The following LRRK1 variants were observed in gnomAD, a reference collection of about 807,000 sequenced individuals.
The protein encoded by LRRK1 is leucine-rich repeat serine/threonine-protein kinase 1.
Under a neutral mutation model 209.1 loss-of-function variants are expected in LRRK1, and 113 were observed. That is an observed-to-expected ratio of 0.54 (90% CI 0.46 to 0.63). The LOEUF (loss-of-function observed/expected upper bound fraction) is 0.63, where lower values mean the gene tolerates loss of function less well. Among genes scored for constraint, LRRK1 ranks in the 30% least tolerant of loss-of-function variants. The probability of loss-of-function intolerance (pLI) is 0.00; values close to 1 mark genes in which losing one functional copy is unlikely to be tolerated. For synonymous variants in LRRK1, 1,144 were observed against 1,099.7 expected (o/e 1.04, Z -0.80); for missense variants, 2,284 against 2,632.2 (o/e 0.87, Z 2.89).
intron 20 of LRRK1, among the ~76,000 whole-genome samples, chr15:101,036,237 T>C (rs2034488771): frequency 6.6e-6 from 1 of 152,246 alleles, no homozygotes; most frequent in African/African-American, 2.4e-5. Flanking sequence ...AATACTTGGT[T>C]GCTTTATGGT....
chr15:101,039,971 T>C (rs1024293334), intron 20 of LRRK1, among the ~76,000 whole-genome samples: 1 of 152,234 alleles, frequency 6.6e-6, no homozygotes, highest in East Asian at 1.9e-4. Flanking sequence ...TAGATTTCAG[T>C]GGCTCCTATT....
rs2036482126 is a variant in LRRK1, at chr15:101,065,543, C to T, written c.5106C>T (p.Gly1702=). 5.6e-6 allele frequency: 9 copies of T among 1,614,102 alleles called. No homozygotes were observed. The highest frequency in any genetic ancestry group is 5.5e-5 in the South Asian group (5 of 91,092). ...PVKAMEVVNS[G]SEVWYSNGPG... ...AGGCCATGGAGGTGGTCAACAGCGG[C>T]TCTGAGGTCTGGTACAGCAATGGGC... The change falls in exon 32 of 34, where the codon GGC becomes GGT. Residue 1702 remains glycine (G), a synonymous_variant. Coordinates refer to ENST00000388948, the MANE Select transcript of LRRK1 (RefSeq NM_024652.6).
rs902395997 is a variant in LRRK1, at chr15:101,022,537, A to C, written c.2007A>C (p.Gly669=). 4.3e-6 allele frequency: 7 copies of C among 1,613,910 alleles called. No individual in the cohort carries two copies. In the African/African-American group the frequency reaches 9.3e-5, roughly 22 times the overall value. The change falls in exon 15 of 34, where the codon GGA becomes GGC. Residue 669 remains glycine, a synonymous_variant. Transcript: ENST00000388948. The surrounding 1 kb of genome is among the most constrained non-coding windows in gnomAD (Gnocchi z 4.0). ...GGAGGGCCCCCCAGGTGGTGCATGG[A>C]GAGGCCACCATCAGGACCACCAAGT... ...QTGRAPQVVH[G]EATIRTTKWE...
rs1317104444 is a variant in LRRK1 at position 101,027,633 on chromosome 15, C to T, written c.2527-5C>T. On this transcript the variant is annotated splice_polypyrimidine_tract_variant and splice_region_variant and intron_variant, in intron 18 of 33. Transcript: ENST00000388948. This position sits in a 1 kb window ranked among gnomAD's most constrained non-coding sequence, Gnocchi z 5.1. ...GAGACCCTGCCTCGCCCAACTGTCC[C>T]CCAGATCCCCAGGAGCTACCTGAGC... 2 of 1,610,728 alleles carry T rather than the reference C, an allele frequency of 1.2e-6. No homozygotes were observed. The highest frequency in any genetic ancestry group is 1.7e-5 in the Admixed American group (1 of 59,698).
intron 6 of LRRK1, among the ~76,000 whole-genome samples, chr15:100,992,684 T>C (rs143760789): frequency 2.0e-5 from 3 of 152,350 alleles, no homozygotes; most frequent in African/African-American, 4.8e-5. Context: ...TTCTTGTTTT[T>C]TGAGATGGAG....
chr15:101,010,536 C>T lies in LRRK1; in HGVS notation c.1076C>T (p.Ala359Val). The T allele has an allele frequency of 6.2e-7, 1 of 1,612,394 alleles. No individual in the cohort carries two copies. Among genetic ancestry groups the T allele is most frequent in the Non-Finnish European group, 8.5e-7 (1 of 1,179,596 alleles). The change falls in exon 8 of 34, where the codon GCT (alanine) becomes GTT (valine). Residue 359 changes from alanine (A) to valine (V), a missense_variant. By Grantham distance (64) the Ala-to-Val change is moderately conservative. Transcript: ENST00000388948. Reference sequence around the variant, plus strand: ...CTCTCAAAACTTCAAAAACTGACAGCTTCAAAAAATTGTTTAGAAAAATTG... The same window carrying T: ...CTCTCAAAACTTCAAAAACTGACAGTTTCAAAAAATTGTTTAGAAAAATTG... ...LHLSKLQKLT[A>V]SKNCLEKLFE...
chr15:101,004,067 A>G (rs1205565609), intron 6 of LRRK1, among the ~76,000 whole-genome samples: 1 of 152,208 alleles, frequency 6.6e-6, no homozygotes, highest in African/African-American at 2.4e-5. Context: ...CAGTTTCTGC[A>G]CTTTGATTGG....
Position 100,941,472 on chromosome 15 carries a change from G to GTC in LRRK1, c.97+16744_97+16745insCT, listed in dbSNP as rs1567191284. Among the ~76,000 whole-genome samples, 97 of 145,878 alleles carry GTC rather than the reference G, an allele frequency of 6.6e-4. 1 individual carries two copies. In the East Asian group the frequency reaches 6.8e-3, roughly 10 times the overall value. On this transcript the variant is annotated intron_variant, in intron 2 of 33. Coordinates refer to ENST00000388948, the MANE Select transcript of LRRK1 (RefSeq NM_024652.6). ...TGTGTGTGTCTATGTCTCTGTGTGTGTGTGTGTGTGTGTGTGTGTGTGTGT... is the reference window on the plus strand; with the variant it reads ...TGTGTGTGTCTATGTCTCTGTGTGTGTCTGTGTGTGTGTGTGTGTGTGTGTGT...
rs35128996 is a variant in LRRK1, at chr15:101,065,940, C to T, written c.5503C>T (p.Leu1835Phe). 2,400 of 1,614,198 alleles carry T rather than the reference C, an allele frequency of 1.5e-3. 29 individuals carry two copies. In the East Asian group the frequency reaches 0.03, roughly 20 times the overall value. Reference sequence around the variant, plus strand: ...GCAGATCCTGATCCACCAGGAATCACTCACTGACTACTGCTCCATGTCCTC... The same window carrying T: ...GCAGATCCTGATCCACCAGGAATCATTCACTGACTACTGCTCCATGTCCTC... Reference protein sequence around the residue: ...GTQILIHQESLTDYCSMSSYS... With the variant: ...GTQILIHQESFTDYCSMSSYS... The change falls in exon 32 of 34, where the codon CTC (leucine) becomes TTC (phenylalanine). Residue 1835 changes from leucine (L) to phenylalanine (F), a missense_variant. Leu to Phe is a conservative substitution (Grantham distance 22, BLOSUM62 0). This residue lies in a region of LRRK1 where 643 missense variants were observed against 695.9 expected (regional missense o/e 0.92). Coordinates refer to ENST00000388948, the MANE Select transcript of LRRK1 (RefSeq NM_024652.6).
intron 3 of LRRK1, among the ~76,000 whole-genome samples, chr15:100,978,507 A>G (rs2031422206): frequency 6.6e-6 from 1 of 150,926 alleles, no homozygotes; most frequent in Admixed American, 6.6e-5. Flanking sequence ...AAAGGGAAAC[A>G]TTGCCTTTAG....
chr15:101,021,799 TG>T, intron 13 of LRRK1, 45 bp from the exon 14 acceptor site: 2 of 1,122,772 alleles, frequency 1.8e-6, no homozygotes, highest in Non-Finnish European at 2.7e-6. Flanking sequence ...TGTGTGTGTG[TG>T]TGTGTGTGTG....
intron 2 of LRRK1, among the ~76,000 whole-genome samples, chr15:100,973,245 C>G (rs2141652346): frequency 6.6e-6 from 1 of 152,354 alleles, no homozygotes; most frequent in South Asian, 2.1e-4. Flanking sequence ...TCTGGTGAAG[C>G]AGCGCGACCC....
intron 20 of LRRK1, among the ~76,000 whole-genome samples, chr15:101,031,800 T>G (rs977322215): frequency 9.2e-5 from 14 of 151,792 alleles, no homozygotes; most frequent in Admixed American, 7.2e-4. Context: ...AGTGGCACGA[T>G]CTTGGCTCAT....
At chr15:101,012,475 C>G (rs2033302051) in intron 10 of LRRK1, among the ~76,000 whole-genome samples, 1 of 152,190 alleles carries the variant, frequency 6.6e-6, no homozygotes, top group African/African-American at 2.4e-5. Context: ...TGTGCCTACC[C>G]CAGAATACGG....
intron 6 of LRRK1, among the ~76,000 whole-genome samples, chr15:101,000,881 C>T (rs1269378672): frequency 2.6e-5 from 4 of 152,122 alleles, no homozygotes; most frequent in East Asian, 1.9e-4. Context: ...CACTGCAACC[C>T]GTCACACCAT....
At position 101,073,617 on chromosome 15, in the gene LRRK1, C is replaced by G. The variant is rs2036881786; in HGVS notation, c.*4769C>G. Reference sequence around the variant, plus strand: ...CAACCTCTTATCTCTGTGCCCCAATCCCTTATTTCCATGCCCCCACCTCTT... The same window carrying G: ...CAACCTCTTATCTCTGTGCCCCAATGCCTTATTTCCATGCCCCCACCTCTT... On this transcript the variant is annotated 3_prime_UTR_variant, in exon 34 of 34. Coordinates refer to ENST00000388948, the MANE Select transcript of LRRK1 (RefSeq NM_024652.6). 1 of 152,136 alleles carries G rather than the reference C, an allele frequency of 6.6e-6. No homozygotes were observed. The highest frequency in any genetic ancestry group is 1.9e-4 in the East Asian group (1 of 5,180). The allele number at this position is 152,136 out of a possible 1,614,324, so 9.4% of individuals were successfully genotyped here.
rs1400411066 is a variant in LRRK1 at position 101,029,293 on chromosome 15, G to T, written c.2963+61G>T. 4.0e-6 allele frequency: 6 copies of T among 1,502,682 alleles called. No individual in the cohort carries two copies. In the Admixed American group the frequency reaches 5.7e-5, roughly 14 times the overall value. The allele number at this position is 1,502,682 out of a possible 1,614,324, so 93.1% of individuals were successfully genotyped here. A position where few individuals can be genotyped will look rare whatever the true frequency, so the allele number is the denominator to read the frequency against. On this transcript the variant is annotated intron_variant, in intron 20 of 33. Coordinates refer to ENST00000388948, the MANE Select transcript of LRRK1 (RefSeq NM_024652.6). The stretch of plus-strand genomic sequence containing the variant: ...TTGCTCCCCGAAAGAGGGAGTTGGG[G>T]TCTGGAGCCACTGGTGGCCTGAACA...
At position 101,070,971 on chromosome 15, in the gene LRRK1, G is replaced by C. The variant is rs2036781929; in HGVS notation, c.*2123G>C. ...TACAGAGAGTTCGTAATGTCAATAA[G>C]AAACAGAAAACCGGAAAGGCAAACA... On this transcript the variant is annotated 3_prime_UTR_variant, in exon 34 of 34. Coordinates refer to ENST00000388948, the MANE Select transcript of LRRK1 (RefSeq NM_024652.6). 6.6e-6 allele frequency: 1 copy of C among 152,168 alleles called. No individual in the cohort carries two copies. The highest frequency in any genetic ancestry group is 2.1e-4 in the South Asian group (1 of 4,834). 9.4% of individuals were successfully genotyped at this position (152,168 alleles called of 1,614,324 possible). A position where few individuals can be genotyped will look rare whatever the true frequency, so the allele number is the denominator to read the frequency against.
intron 20 of LRRK1, among the ~76,000 whole-genome samples, chr15:101,040,540 G>T (rs1257810946): frequency 6.6e-6 from 1 of 151,572 alleles, no homozygotes. Flanking sequence ...CTTTATTATT[G>T]TCTTCCTTCA....
Sources: gnomAD v4.1 joint callset for allele counts (sites outside exome capture counted in the v4.1 genomes callset) on GRCh38, gnomAD v4.1.1 for gene constraint, gnomAD v4.1.1 regional missense constraint, Gnocchi (gnomAD v3.1) non-coding constraint, MANE v1.5 for transcripts, NCBI Gene and HGNC (gene_info 2026-07-23, HGNC 2026-07-21) for gene names.